BTBD2: variants seen among roughly 807,000 people sequenced by gnomAD.
The protein encoded by BTBD2 is BTB/POZ domain-containing protein 2.
In BTBD2, 15 loss-of-function variants were observed where a neutral mutation model predicts 44.0. That is an observed-to-expected ratio of 0.34 (90% CI 0.23 to 0.53). The LOEUF is 0.53. Among genes scored for constraint, BTBD2 ranks in the 20% least tolerant of loss-of-function variants. The probability of loss-of-function intolerance (pLI) is 0.95; values close to 1 mark genes in which losing one functional copy is unlikely to be tolerated. For synonymous variants in BTBD2, 443 were observed against 335.9 expected (o/e 1.32, Z -3.49); for missense variants, 657 against 746.4 (o/e 0.88, Z 1.39).
At chr19:2,013,744 G>A in intron 1 of BTBD2, 1 of 927,878 alleles carries the variant, frequency 1.1e-6, no homozygotes, top group Non-Finnish European at 1.3e-6. Context: ...ATGGTTTGAA[G>A]GTCTCTGATC....
intron 2 of BTBD2, among the ~76,000 whole-genome samples, chr19:1,993,995 CAAAAAAAAAAAAAAAAAAAAAAA>C (rs542137742): frequency 1.6e-4 from 4 of 24,940 alleles, no homozygotes; most frequent in Non-Finnish European, 2.8e-4. Context: ...GAATCCGTCT[CAAAAAAAAAAAAAAAAAAAAAAA>C]AAAAAAAAAG....
Position 1,998,777 on chromosome 19 carries a change from C to T in BTBD2, c.408-1314G>A, listed in dbSNP as rs571036732. Among the ~76,000 whole-genome samples the T allele has an allele frequency of 8.8e-4, 134 of 152,278 alleles. 1 individual carries two copies. Among genetic ancestry groups the T allele is most frequent in the African/African-American group, 3.1e-3 (129 of 41,556 alleles). On this transcript the variant is annotated intron_variant, in intron 1 of 8. Coordinates refer to ENST00000255608, the MANE Select transcript of BTBD2 (RefSeq NM_017797.4). ...GAGAGCACACACAGCATAGGGGGGT[C>T]ACAGACACTCAGCAGGGGCACAGAC...
intron 1 of BTBD2, among the ~76,000 whole-genome samples, chr19:1,997,801 C>T (rs1407925109): frequency 2.0e-5 from 3 of 152,262 alleles, no homozygotes; most frequent in Non-Finnish European, 4.4e-5. Context: ...TTTATTCACA[C>T]GTGTTCATTC....
rs372419045 is a variant in BTBD2, at chr19:1,987,172, G to A, written c.1263C>T (p.Asn421=). ...TGAGGCTTGGGGCTGGTACCTGGAT[G>A]TTCACTTGGTAGTCGGTGGGCCCGT... ...SIHGPTDYQV[N]IQIIHTDSNT... The change falls in exon 7 of 9, where the codon AAC becomes AAT. Residue 421 remains asparagine, a synonymous_variant. Transcript: ENST00000255608. 1.4e-5 allele frequency: 22 copies of A among 1,613,576 alleles called. No individual in the cohort carries two copies. Among genetic ancestry groups the A allele is most frequent in the Non-Finnish European group, 1.8e-5 (21 of 1,179,722 alleles).
intron 1 of BTBD2, among the ~76,000 whole-genome samples, chr19:2,014,932 G>C (rs1216804619): frequency 6.6e-6 from 1 of 151,384 alleles, no homozygotes; most frequent in South Asian, 2.1e-4. Flanking sequence ...GGTGGGGTCT[G>C]GGGACAGAGA....
rs564007692 is a variant in BTBD2, at chr19:1,986,478, G to C, written c.*10C>G. ...CCCACGGAGGGAGGGCGGTGTCGGT[G>C]TCGGGCAGCCTAGGTGTAGAAGATG... On this transcript the variant is annotated 3_prime_UTR_variant, in exon 9 of 9. Transcript: ENST00000255608. The C allele has an allele frequency of 3.1e-6, 5 of 1,611,848 alleles. No homozygotes were observed. The East Asian group carries it at 1.1e-4, about 36-fold the overall frequency.
chr19:1,999,294 C>T (rs1378845940), intron 1 of BTBD2, among the ~76,000 whole-genome samples: 1 of 152,228 alleles, frequency 6.6e-6, no homozygotes, highest in Non-Finnish European at 1.5e-5. Flanking sequence ...CCGGCGGAAA[C>T]AGGCCGGTGC....
Position 2,010,438 on chromosome 19 carries a change from G to A in BTBD2, c.407+4859C>T, listed in dbSNP as rs117720496. Among the ~76,000 whole-genome samples the A allele has an allele frequency of 1.1e-3, 171 of 152,184 alleles. 3 individuals are homozygous for A. The East Asian group carries it at 0.026, about 23-fold the overall frequency. On this transcript the variant is annotated intron_variant, in intron 1 of 8. Coordinates refer to ENST00000255608, the MANE Select transcript of BTBD2 (RefSeq NM_017797.4). ...GCACAAACGCCGACCCCTGCGCGAC[G>A]GTCCAGACACTGGGGCCACCACCAA...
chr19:2,014,022 G>A (rs1201735214), intron 1 of BTBD2: 1 of 151,856 alleles, frequency 6.6e-6, no homozygotes, highest in East Asian at 1.9e-4. Flanking sequence ...ACTGGGGACG[G>A]GGGGTCTCAG....
intron 1 of BTBD2, chr19:2,013,813 G>A (rs1440093814): frequency 5.7e-6 from 2 of 352,050 alleles, no homozygotes; most frequent in East Asian, 1.6e-4. Flanking sequence ...GGAGGCAGCA[G>A]GGAGGACGCA....
At chr19:2,010,788 G>A (rs1361130051) in intron 1 of BTBD2, among the ~76,000 whole-genome samples, 1 of 152,112 alleles carries the variant, frequency 6.6e-6, no homozygotes, top group African/African-American at 2.4e-5. Context: ...ACAGGTGCGT[G>A]CCACCGCGCC....
At chr19:1,992,441 T>C (rs764551634) in intron 3 of BTBD2, among the ~76,000 whole-genome samples, 1 of 152,038 alleles carries the variant, frequency 6.6e-6, no homozygotes, top group Non-Finnish European at 1.5e-5. Flanking sequence ...GGTCTCTCTA[T>C]GTTGCCTAGG....
At chr19:2,015,103 C>T (rs1380860139) in intron 1 of BTBD2, among the ~76,000 whole-genome samples, 194 bp downstream of exon 1, 1 of 136,108 alleles carries the variant, frequency 7.3e-6, no homozygotes, top group African/African-American at 2.8e-5. Context: ...GTGCAGGCCC[C>T]GGGGTGCAGG....
In BTBD2 at chr19:2,015,377, G is replaced by T; in HGVS notation, c.327C>A (p.Phe109Leu). The T allele has an allele frequency of 6.3e-7, 1 of 1,584,454 alleles. No homozygotes were observed. Among genetic ancestry groups the T allele is most frequent in the Non-Finnish European group, 8.5e-7 (1 of 1,172,674 alleles). The change falls in exon 1 of 9, where the codon TTC becomes TTA. Residue 109 changes from phenylalanine to leucine, a missense_variant. Phe to Leu is a conservative substitution (Grantham distance 22). This residue lies in a region of BTBD2 where 191 missense variants were observed against 188.5 expected (regional missense o/e 1.01). Coordinates refer to ENST00000255608, the MANE Select transcript of BTBD2 (RefSeq NM_017797.4). ...CGCACAGCACCTCGTTGTTGAAGAG[G>T]AAGGCGAAGCGCTCCTGCACGGTGG... is the stretch of plus-strand genomic sequence containing the variant. ...SKPTVQERFA[F>L]LFNNEVLCDV...
At chr19:1,986,684 C>T (rs367929036) in intron 8 of BTBD2, 35 bp from the exon 9 acceptor site, 9 of 1,606,592 alleles carry the variant, frequency 5.6e-6, no homozygotes, top group Non-Finnish European at 7.7e-6. Flanking sequence ...GGTCAAGGAC[C>T]ACCAGGCTGG....
chr19:1,990,411 A>AG, intron 4 of BTBD2: 1 of 639,490 alleles, frequency 1.6e-6, no homozygotes, highest in Admixed American at 2.9e-5. Flanking sequence ...GTTGTTTTTA[A>AG]GCCACAAGGA....
chr19:1,997,508 C>A (rs750547480), intron 1 of BTBD2, 45 bp from the exon 2 acceptor site: 7 of 1,609,528 alleles, frequency 4.3e-6, no homozygotes, highest in Non-Finnish European at 5.1e-6. Context: ...GTGGCCGCCA[C>A]CCCACGGCCG....
rs368441913 is a variant in BTBD2, at chr19:1,987,143, G to A, written c.1269+23C>T. 6 of 1,611,216 alleles carry A rather than the reference G, an allele frequency of 3.7e-6. No homozygotes were observed. The South Asian group carries it at 4.4e-5, about 12-fold the overall frequency. ...AGGACATGGGCCTGAGTGGGGCCTG[G>A]GGATGAGGCTTGGGGCTGGTACCTG... On this transcript the variant is annotated intron_variant, in intron 7 of 8. Transcript: ENST00000255608.
At chr19:1,998,205 C>G (rs2016277390) in intron 1 of BTBD2, among the ~76,000 whole-genome samples, 1 of 152,232 alleles carries the variant, frequency 6.6e-6, no homozygotes, top group Non-Finnish European at 1.5e-5. Flanking sequence ...CACGCATTCC[C>G]TCATCAGCAC....
Sources: gnomAD v4.1 joint callset for allele counts (sites outside exome capture counted in the v4.1 genomes callset) on GRCh38, gnomAD v4.1.1 for gene constraint, gnomAD v4.1.1 regional missense constraint, MANE v1.5 for transcripts, NCBI Gene and HGNC (gene_info 2026-07-23, HGNC 2026-07-21) for gene names.